Variants in ZNF888 observed in about 807,000 individuals in gnomAD.
The protein encoded by ZNF888 is zinc finger protein 888, also known as CTD-2331H12.6.
Under a neutral mutation model 7.2 loss-of-function variants are expected in ZNF888, and 5 were observed. The ratio of observed to expected loss-of-function variants is 0.70; its 90% CI spans 0.36 to 1.46. ZNF888 has a LOEUF of 1.46. Ranked by LOEUF, ZNF888 falls within the 40% of genes most tolerant of loss-of-function variation. ZNF888 has a pLI of 0.03. For synonymous variants in ZNF888, 240 were observed against 284.3 expected, an observed-to-expected ratio of 0.84 and a Z score of 1.57; for missense variants, 716 against 858.0, an observed-to-expected ratio of 0.83 and a Z score of 2.07.
chr19:52,913,023 C>T (rs1416522535), intron 4 of ZNF888, among the ~76,000 whole-genome samples: 1 of 152,090 alleles, frequency 6.6e-6, no homozygotes, highest in Non-Finnish European at 1.5e-5. Flanking sequence ...AGGAGAATTG[C>T]TTGAACCCGG....
chr19:52,908,079 A>C lies in ZNF888; in HGVS notation c.243T>G (p.Ile81Met). The change falls in exon 5 of 5, where the codon ATT becomes ATG. Residue 81 changes from isoleucine to methionine, a missense_variant. By Grantham distance (10) the Ile-to-Met change is conservative (BLOSUM62 1). Transcript: ENST00000638862. ...GTLQRLASHHIGECCFQEIEK... is the reference protein window; with the variant it reads ...GTLQRLASHHMGECCFQEIEK... ...CAATTTCCTGGAAGCAACATTCTCC[A>C]ATGTGATGACTTGCCAGTCTTTGCA... 1.2e-6 allele frequency: 2 copies of C among 1,614,168 alleles called. No individual in the cohort carries two copies. Among genetic ancestry groups the C allele is most frequent in the Non-Finnish European group, 1.7e-6 (2 of 1,180,016 alleles).
Position 52,907,273 on chromosome 19 carries a change from C to G in ZNF888, c.1049G>C (p.Gly350Ala), listed in dbSNP as rs2064621691. 6.2e-7 allele frequency: 1 copy of G among 1,613,298 alleles called. No individual in the cohort carries two copies. Among genetic ancestry groups the G allele is most frequent in the Admixed American group, 1.7e-5 (1 of 59,920 alleles). The change falls in exon 5 of 5, where the codon GGA (glycine) becomes GCA (alanine). Residue 350 changes from glycine to alanine, a missense_variant. Physicochemically the swap from Gly to Ala is moderately conservative, Grantham distance 60. Transcript: ENST00000638862. ...NLARHHRVHT[G>A]EKPYQCKECD... ...TTCTTTACATTGGTAAGGTTTCTCT[C>G]CAGTATGAACTCTATGATGACGTGC...
chr19:52,917,733 G>T lies in ZNF888; in HGVS notation c.15+126C>A, dbSNP rs540067306. 5.3e-6 allele frequency: 8 copies of T among 1,520,664 alleles called. No individual in the cohort carries two copies. In the African/African-American group the frequency reaches 8.2e-5, roughly 16 times the overall value. 94.2% of individuals were successfully genotyped at this position (1,520,664 alleles called of 1,614,324 possible). On this transcript the variant is annotated intron_variant, in intron 3 of 4. Transcript: ENST00000638862. The stretch of plus-strand genomic sequence containing the variant: ...GGTGAGATGAGAGGGACTGAGGGAA[G>T]GCATGGGTGAGTGTGAGCAAACCTG...
Position 52,907,526 on chromosome 19 carries a change from C to T in ZNF888, c.796G>A (p.Gly266Ser). ...YLAHHRRCHT[G>S]EKPYMCNKCG... is the part of the protein sequence containing the mutation. The stretch of plus-strand genomic sequence containing the variant: ...TTATTACACATGTAAGGTTTCTCAC[C>T]AGTGTGACATCTACGATGGTGTGCA... Residue 266 changes from glycine to serine, a missense_variant, in exon 5 of 5, where the codon GGT (glycine) becomes AGT (serine). This residue lies in a region of ZNF888 where 697 missense variants were observed against 803.4 expected (regional missense o/e 0.87). Coordinates refer to ENST00000638862, the MANE Select transcript of ZNF888 (RefSeq NM_001393938.1). 1 of 1,609,074 alleles carries T rather than the reference C, an allele frequency of 6.2e-7. No individual in the cohort carries two copies. Among genetic ancestry groups the T allele is most frequent in the East Asian group, 2.2e-5 (1 of 44,836 alleles).
chr19:52,921,702 T>A, intron 1 of ZNF888: 3 of 965,504 alleles, frequency 3.1e-6, no homozygotes, highest in Non-Finnish European at 3.7e-6. Flanking sequence ...CCGAGGTAGG[T>A]GGATCACCTG....
At chr19:52,919,921 GGCA>G (rs1487393540) in intron 1 of ZNF888, among the ~76,000 whole-genome samples, 4 of 55,154 alleles carry the variant, frequency 7.3e-5, no homozygotes, top group African/African-American at 1.3e-4. Context: ...CCCTCCGTCC[GGCA>G]GCCACCCCGT....
At chr19:52,913,827 C>T (rs12982493) in intron 4 of ZNF888, 132,601 of 797,904 alleles carry the variant, frequency 0.17, 11,463 homozygotes, top group South Asian at 0.25. Flanking sequence ...AAAGACAAAA[C>T]TATTTAAAAT....
rs2064629638 is a variant in ZNF888, at chr19:52,907,816, T to C, written c.506A>G (p.Asn169Ser). 1 of 1,614,174 alleles carries C rather than the reference T, an allele frequency of 6.2e-7. No individual in the cohort carries two copies. The highest frequency in any genetic ancestry group is 8.5e-7 in the Non-Finnish European group (1 of 1,180,024). The change falls in exon 5 of 5, where the codon AAT (asparagine) becomes AGT (serine). Residue 169 changes from asparagine to serine, a missense_variant. Physicochemically the swap from Asn to Ser is conservative, Grantham distance 46 (BLOSUM62 1). Coordinates refer to ENST00000638862, the MANE Select transcript of ZNF888 (RefSeq NM_001393938.1). ...TTGGGATGTTGAAACTGAGGAAGCA[T>C]TGTTGATAGACTTCTCAAGTTGATT... ...IGNQLEKSIN[N>S]ASSVSTSQRI...
At chr19:52,911,552 A>C (rs2064679033) in intron 4 of ZNF888, among the ~76,000 whole-genome samples, 2 of 151,060 alleles carry the variant, frequency 1.3e-5, no homozygotes, top group South Asian at 2.1e-4. Context: ...GTCAGCCAGG[A>C]TGGTCTCGAT....
Position 52,905,868 on chromosome 19 carries a change from T to C in ZNF888, c.*297A>G. 1.3e-6 allele frequency: 1 copy of C among 744,292 alleles called. No homozygotes were observed. The highest frequency in any genetic ancestry group is 2.4e-6 in the Non-Finnish European group (1 of 409,502). 46.1% of individuals were successfully genotyped at this position (744,292 alleles called of 1,614,324 possible). On this transcript the variant is annotated 3_prime_UTR_variant, in exon 5 of 5. Coordinates refer to ENST00000638862, the MANE Select transcript of ZNF888 (RefSeq NM_001393938.1). The stretch of plus-strand genomic sequence containing the variant: ...TGTCCAGTATGGATTCTTTGATGTC[T>C]AATGAGGTGTGAACGTGAAGTAAAG...
Position 52,907,984 on chromosome 19 carries a change from G to C in ZNF888, c.338C>G (p.Thr113Arg), listed in dbSNP as rs2064632007. ...ACTACCCGTCAACTCTTTGATTTCT[G>C]TCATGGGTGCTTCATGGCCATTTGT... ...DETNGHEAPM[T>R]EIKELTGSTD... The change falls in exon 5 of 5, where the codon ACA (threonine) becomes AGA (arginine). Residue 113 changes from threonine to arginine, a missense_variant. This residue lies in a region of ZNF888 where 697 missense variants were observed against 803.4 expected (regional missense o/e 0.87). Coordinates refer to ENST00000638862, the MANE Select transcript of ZNF888 (RefSeq NM_001393938.1). 1 of 1,613,936 alleles carries C rather than the reference G, an allele frequency of 6.2e-7. No homozygotes were observed. Among genetic ancestry groups the C allele is most frequent in the African/African-American group, 1.3e-5 (1 of 74,906 alleles).
intron 1 of ZNF888, among the ~76,000 whole-genome samples, chr19:52,922,793 A>G (rs1046140082): frequency 1.3e-4 from 20 of 152,300 alleles, no homozygotes; most frequent in East Asian, 9.7e-4. Flanking sequence ...GGAGCTGGGC[A>G]GGCAAGAACA....
Position 52,907,425 on chromosome 19 carries a change from C to A in ZNF888, c.897G>T (p.Lys299Asn). The A allele has an allele frequency of 4.3e-6, 7 of 1,611,566 alleles. No individual in the cohort carries two copies. Among genetic ancestry groups the A allele is most frequent in the Non-Finnish European group, 5.9e-6 (7 of 1,178,756 alleles). ...TGAACGTCTTGCCACACTCATTACACTTGTAAGGTTTTTCTCCAGTATGAC... is the reference window on the plus strand; with the variant it reads ...TGAACGTCTTGCCACACTCATTACAATTGTAAGGTTTTTCTCCAGTATGAC... The part of the protein sequence containing the change: ...YRRHTGEKPY[K>N]CNECGKTFSD... Residue 299 changes from lysine to asparagine, a missense_variant, in exon 5 of 5, where the codon AAG becomes AAT. Physicochemically the swap from Lys to Asn is moderately conservative, Grantham distance 94. Transcript: ENST00000638862.
chr19:52,917,040 C>A (rs559874886), intron 3 of ZNF888, among the ~76,000 whole-genome samples: 24 of 152,268 alleles, frequency 1.6e-4, no homozygotes, highest in Middle Eastern at 3.4e-3. Context: ...GCCTGTTTCA[C>A]GAGCCTCTCC....
chr19:52,908,255 C>G, intron 4 of ZNF888, 76 bp from the exon 5 acceptor site: 3 of 1,368,072 alleles, frequency 2.2e-6, no homozygotes, highest in Non-Finnish European at 3.1e-6. Flanking sequence ...AAATATGACA[C>G]CAAAAACAAT....
intron 3 of ZNF888, among the ~76,000 whole-genome samples, chr19:52,916,617 T>TAC (rs1555828401): frequency 6.2e-5 from 1 of 16,084 alleles, no homozygotes; most frequent in East Asian, 6.9e-4. Flanking sequence ...TACATATACA[T>TAC]ATATATATAT....
At position 52,904,976 on chromosome 19, in the gene ZNF888, A is replaced by G. The variant is rs35475452; in HGVS notation, c.*1189T>C. 0.38 allele frequency: 57,570 copies of G among 152,646 alleles called. 14,108 individuals are homozygous for G. Among genetic ancestry groups the G allele is most frequent in the African/African-American group, 0.69 (28,462 of 41,368 alleles). 9.5% of individuals were successfully genotyped at this position (152,646 alleles called of 1,614,324 possible). On this transcript the variant is annotated 3_prime_UTR_variant, in exon 5 of 5. Transcript: ENST00000638862. ...ATTTAAAAACACTTCCATTTGCTAGAGAACTTAAAGTAAGAAATACTTAGG... is the reference window on the plus strand; with the variant it reads ...ATTTAAAAACACTTCCATTTGCTAGGGAACTTAAAGTAAGAAATACTTAGG...
chr19:52,918,070 AG>A (rs2064771850), intron 2 of ZNF888, 139 bp from the exon 3 acceptor site: 2 of 1,438,656 alleles, frequency 1.4e-6, no homozygotes, highest in Non-Finnish European at 1.8e-6. Context: ...CCACCATACC[AG>A]GGACAATAAA....
chr19:52,916,566 T>C (rs1263248932), intron 3 of ZNF888, among the ~76,000 whole-genome samples: 2 of 149,188 alleles, frequency 1.3e-5, no homozygotes, highest in South Asian at 2.1e-4. Flanking sequence ...ATATATATTA[T>C]ATACATACAT....
Sources: gnomAD v4.1 joint callset for allele counts (sites outside exome capture counted in the v4.1 genomes callset) on GRCh38, gnomAD v4.1.1 for gene constraint, gnomAD v4.1.1 regional missense constraint, MANE v1.5 for transcripts, NCBI Gene and HGNC (gene_info 2026-07-23, HGNC 2026-07-21) for gene names.